DENND4B: variants seen among roughly 807,000 people sequenced by gnomAD.
DENND4B encodes DENN domain-containing protein 4B.
In DENND4B, 67 loss-of-function variants were observed where a neutral mutation model predicts 161.0. That is an observed-to-expected ratio of 0.42 (90% CI 0.34 to 0.51). DENND4B has a LOEUF of 0.51. Among genes scored for constraint, DENND4B ranks in the 20% least tolerant of loss-of-function variants. The probability of loss-of-function intolerance (pLI) is 0.08; values close to 1 mark genes in which losing one functional copy is unlikely to be tolerated. For synonymous variants in DENND4B, 753 were observed against 813.8 expected, an observed-to-expected ratio of 0.93 and a Z score of 1.27; for missense variants, 1,481 against 1,968.0, an observed-to-expected ratio of 0.75 and a Z score of 4.68.
Position 153,944,876 on chromosome 1 carries a change from A to G in DENND4B, c.-23-479T>C, listed in dbSNP as rs1679877704. Among the ~76,000 whole-genome samples the G allele has an allele frequency of 6.6e-6, 1 of 152,118 alleles. No homozygotes were observed. Among genetic ancestry groups the G allele is most frequent in the African/African-American group, 2.4e-5 (1 of 41,406 alleles). The stretch of plus-strand genomic sequence containing the variant: ...CAATGTTCTTAAAGAGCCCACTCCT[A>G]GGTTTTTAAGAGGACCCCATGGGTT... On this transcript the variant is annotated intron_variant, in intron 1 of 27. Coordinates refer to ENST00000361217, the MANE Select transcript of DENND4B (RefSeq NM_014856.3). The surrounding 1 kb of genome is among the most constrained non-coding windows in gnomAD (Gnocchi z 4.8).
Position 153,936,233 on chromosome 1 carries a change from C to A in DENND4B, c.2440-45G>T. 1.3e-6 allele frequency: 2 copies of A among 1,572,744 alleles called. No individual in the cohort carries two copies. Among genetic ancestry groups the A allele is most frequent in the South Asian group, 1.2e-5 (1 of 85,844 alleles). On this transcript the variant is annotated intron_variant, in intron 16 of 27. Coordinates refer to ENST00000361217, the MANE Select transcript of DENND4B (RefSeq NM_014856.3). This position sits in a 1 kb window ranked among gnomAD's most constrained non-coding sequence, Gnocchi z 4.1. ...GGACAATGGGAGACTCACTCTCAAC[C>A]AAAACCAAAGTCTCAGCAAGCACCC... is the stretch of plus-strand genomic sequence containing the variant.
In DENND4B at chr1:153,933,635, G is replaced by A. The variant is rs762533011; in HGVS notation, c.3178C>T (p.Arg1060Cys). 17 of 1,567,526 alleles carry A rather than the reference G, an allele frequency of 1.1e-5. No homozygotes were observed. Among genetic ancestry groups the A allele is most frequent in the African/African-American group, 4.1e-5 (3 of 73,538 alleles). ...GAAGGAGTGAGCAGCTGTTGGAGGC[G>A]GGCACCCAGCCCTCGTCGGGGGGTG... Reference protein sequence around the residue: ...AGTPRRGLGARLQQLLTPSRH... With the variant: ...AGTPRRGLGACLQQLLTPSRH... The change falls in exon 20 of 28, where the codon CGC becomes TGC. Residue 1060 changes from arginine (R) to cysteine (C), a missense_variant. Arg to Cys is a radical substitution (Grantham distance 180). Transcript: ENST00000361217. The surrounding 1 kb of genome is among the most constrained non-coding windows in gnomAD (Gnocchi z 5.7).
chr1:153,942,909 C>T lies in DENND4B; in HGVS notation c.539G>A (p.Cys180Tyr). The T allele has an allele frequency of 3.7e-6, 6 of 1,603,196 alleles. No homozygotes were observed. Among genetic ancestry groups the T allele is most frequent in the Non-Finnish European group, 5.1e-6 (6 of 1,171,352 alleles). Residue 180 changes from cysteine (C) to tyrosine (Y), a missense_variant, in exon 3 of 28, where the codon TGC becomes TAC. Physicochemically the swap from Cys to Tyr is radical, Grantham distance 194. This residue lies in a region of DENND4B where 806 missense variants were observed against 1,134.4 expected (regional missense o/e 0.71). Coordinates refer to ENST00000361217, the MANE Select transcript of DENND4B (RefSeq NM_014856.3). The surrounding 1 kb of genome is among the most constrained non-coding windows in gnomAD (Gnocchi z 6.9). The part of the protein sequence containing the change: ...SKGEGTPHTY[C>Y]RLPRNLNPGM... ...AGGGTTGAGGTTGCGGGGCAGCCGG[C>T]AGTAAGTATGAGGAGTGCCCTCGCC...
At chr1:153,945,332 G>GC in intron 1 of DENND4B, 2 of 400,232 alleles carry the variant, frequency 5.0e-6, no homozygotes, top group Non-Finnish European at 4.6e-6. Flanking sequence ...CAGCCTATGG[G>GC]TGTGTGTGGT....
Position 153,936,315 on chromosome 1 carries a change from T to A in DENND4B, c.2440-127A>T. 1 of 1,380,500 alleles carries A rather than the reference T, an allele frequency of 7.2e-7. No individual in the cohort carries two copies. Among genetic ancestry groups the A allele is most frequent in the Non-Finnish European group, 9.8e-7 (1 of 1,017,620 alleles). The allele number at this position is 1,380,500 out of a possible 1,614,324, so 85.5% of individuals were successfully genotyped here. ...ACTGGCCCCTGGCAGGTCCTGGGGC[T>A]ACCTCAGAGCCACCCACCCTTTCTG... is the stretch of plus-strand genomic sequence containing the variant. On this transcript the variant is annotated intron_variant, in intron 16 of 27. Transcript: ENST00000361217. This position sits in a 1 kb window ranked among gnomAD's most constrained non-coding sequence, Gnocchi z 4.1.
Position 153,940,774 on chromosome 1 carries a change from C to T in DENND4B, c.1326+130G>A, listed in dbSNP as rs1679619444. 6.2e-6 allele frequency: 9 copies of T among 1,448,354 alleles called. No individual in the cohort carries two copies. The East Asian group carries it at 7.3e-5, about 12-fold the overall frequency. 89.7% of individuals were successfully genotyped at this position (1,448,354 alleles called of 1,614,324 possible). ...TCCTGATGGAAGCTATGTGTTCCTGCAGGCTGTGCCCAGGGAAAGGGGCTG... is the reference window on the plus strand; with the variant it reads ...TCCTGATGGAAGCTATGTGTTCCTGTAGGCTGTGCCCAGGGAAAGGGGCTG... On this transcript the variant is annotated intron_variant, in intron 9 of 27. Transcript: ENST00000361217. The surrounding 1 kb of genome is among the most constrained non-coding windows in gnomAD (Gnocchi z 5.6).
intron 2 of DENND4B, among the ~76,000 whole-genome samples, chr1:153,943,843 G>T (rs1418955521): frequency 6.6e-6 from 1 of 152,138 alleles, no homozygotes; most frequent in Non-Finnish European, 1.5e-5. Context: ...TCAAAAACCT[G>T]CCTAAGCTCT....
chr1:153,943,208 C>G, intron 2 of DENND4B, 78 bp from the exon 3 acceptor site: 2 of 1,536,782 alleles, frequency 1.3e-6, no homozygotes, highest in Non-Finnish European at 1.8e-6. Flanking sequence ...ATCTGCCTAT[C>G]TAATCCCCTG....
chr1:153,942,382 A>G lies in DENND4B; in HGVS notation c.641-26T>C. ...CTGCACCCCCAGCATAGTTGGGGGT[A>G]CCCAAAAGGAGCAGGGTCCATCAGA... is the stretch of plus-strand genomic sequence containing the variant. On this transcript the variant is annotated intron_variant, in intron 4 of 27. Coordinates refer to ENST00000361217, the MANE Select transcript of DENND4B (RefSeq NM_014856.3). This position sits in a 1 kb window ranked among gnomAD's most constrained non-coding sequence, Gnocchi z 6.9. The G allele has an allele frequency of 6.2e-7, 1 of 1,604,400 alleles. No individual in the cohort carries two copies. The highest frequency in any genetic ancestry group is 8.5e-7 in the Non-Finnish European group (1 of 1,175,024).
chr1:153,941,773 C>CGGGGGG, intron 6 of DENND4B, 96 bp downstream of exon 6: 53 of 1,426,266 alleles, frequency 3.7e-5, no homozygotes, highest in East Asian at 7.4e-5. Context: ...ACCCTGTGCC[C>CGGGGGG]AGCCCTCCCC....
chr1:153,940,304 G>A lies in DENND4B; in HGVS notation c.1503-48C>T, dbSNP rs775556369. On this transcript the variant is annotated intron_variant, in intron 10 of 27. Transcript: ENST00000361217. The surrounding 1 kb of genome is among the most constrained non-coding windows in gnomAD (Gnocchi z 5.6). ...AAGAGTGGCGAGGCTCTGGGATAGG[G>A]TGACGGGGTTCCTTGCCAGCCTCCC... 3 of 1,568,134 alleles carry A rather than the reference G, an allele frequency of 1.9e-6. No homozygotes were observed. The African/African-American group carries it at 4.1e-5, about 21-fold the overall frequency.
chr1:153,933,802 T>A lies in DENND4B; in HGVS notation c.3011A>T (p.Asp1004Val). 6.2e-7 allele frequency: 1 copy of A among 1,612,484 alleles called. No homozygotes were observed. The highest frequency in any genetic ancestry group is 2.2e-5 in the East Asian group (1 of 44,812). Reference sequence around the variant, plus strand: ...CGGCTCCTCCCCTGTCAGGCTCAGGTCTGAGAGACTTCCATCGTGCCAGGG... The same window carrying A: ...CGGCTCCTCCCCTGTCAGGCTCAGGACTGAGAGACTTCCATCGTGCCAGGG... The part of the protein sequence containing the change: ...PVPWHDGSLS[D>V]LSLTGEEPLP... Residue 1004 changes from aspartate to valine, a missense_variant, in exon 20 of 28, where the codon GAC (aspartate) becomes GTC (valine). Around this residue, in one of 3 missense-constraint regions of DENND4B, gnomAD observed 339 missense variants for 330.3 expected, o/e 1.03. Transcript: ENST00000361217. This position sits in a 1 kb window ranked among gnomAD's most constrained non-coding sequence, Gnocchi z 5.7.
upstream of DENND4B, chr1:153,946,816 T>C (rs1680001634): frequency 5.7e-6 from 2 of 352,384 alleles, no homozygotes; most frequent in East Asian, 8.4e-5. This position sits in a 1 kb window ranked among gnomAD's most constrained non-coding sequence, Gnocchi z 6.3. Context: ...CTCAGGACAC[T>C]GACCCCAGGC....
intron 6 of DENND4B, 86 bp downstream of exon 6, chr1:153,941,779 TCCCC>T: frequency 2.2e-6 from 1 of 464,524 alleles, no homozygotes; most frequent in Non-Finnish European, 3.9e-6. Context: ...TGCCCAGCCC[TCCCC>T]CCACCCACAT....
In DENND4B at chr1:153,930,827, C is replaced by T. The variant is rs369439497; in HGVS notation, c.4145G>A (p.Gly1382Asp). ...CAAACTAAGGGATGCAGGTACAGGGCCTGGCCATACCACCCGCTGGGGGAT... is the reference window on the plus strand; with the variant it reads ...CAAACTAAGGGATGCAGGTACAGGGTCTGGCCATACCACCCGCTGGGGGAT... The part of the protein sequence containing the change: ...SQIPQRVVWP[G>D]PVPASLSLAL... The change falls in exon 26 of 28, where the codon GGC becomes GAC. Residue 1382 changes from glycine (G) to aspartate (D), a missense_variant. Gly to Asp is a moderately conservative substitution (Grantham distance 94). This residue lies in a region of DENND4B where 336 missense variants were observed against 503.3 expected (regional missense o/e 0.67). Transcript: ENST00000361217. The surrounding 1 kb of genome is among the most constrained non-coding windows in gnomAD (Gnocchi z 4.7). 2 of 1,601,612 alleles carry T rather than the reference C, an allele frequency of 1.2e-6. No homozygotes were observed. Among genetic ancestry groups the T allele is most frequent in the Non-Finnish European group, 1.7e-6 (2 of 1,174,130 alleles).
Position 153,938,995 on chromosome 1 carries a change from G to A in DENND4B, c.1870C>T (p.Leu624=). ...RSSHKLYSQL[L]HTQMFSQFIE... ...AACTGTGAGAACATCTGTGTGTGCA[G>A]CAGCTGAGAGTAAAGTTTGTGGCTG... is the stretch of plus-strand genomic sequence containing the variant. The change falls in exon 13 of 28, where the codon CTG becomes TTG. Residue 624 remains leucine (L), a synonymous_variant. Coordinates refer to ENST00000361217, the MANE Select transcript of DENND4B (RefSeq NM_014856.3). 1 of 1,612,332 alleles carries A rather than the reference G, an allele frequency of 6.2e-7. No individual in the cohort carries two copies.
intron 12 of DENND4B, 101 bp downstream of exon 12, chr1:153,939,488 C>A (rs939356442): frequency 2.5e-5 from 33 of 1,320,638 alleles, no homozygotes; most frequent in Non-Finnish European, 3.1e-5. Context: ...AAGGAATAAA[C>A]AATGGAGTGG....
At chr1:153,938,839 G>T in intron 13 of DENND4B, 61 bp downstream of exon 13, 1 of 1,546,842 alleles carries the variant, frequency 6.5e-7, no homozygotes, top group Non-Finnish European at 8.7e-7. Context: ...ATGGCCTTGG[G>T]GCAACAGAGA....
chr1:153,930,984 A>G lies in DENND4B; in HGVS notation c.4077T>C (p.Asn1359=), dbSNP rs755439162. The change falls in exon 25 of 28, where the codon AAT becomes AAC. Residue 1359 remains asparagine, a synonymous_variant. Coordinates refer to ENST00000361217, the MANE Select transcript of DENND4B (RefSeq NM_014856.3). The surrounding 1 kb of genome is among the most constrained non-coding windows in gnomAD (Gnocchi z 4.7). ...AGAGCACATAGAGAGGTGGGCAGCT[A>G]TTGGGGTCAGGGGTCAGTACATCCC... ...LLWDVLTPDP[N]SCPPLYVLWR... The G allele has an allele frequency of 1.2e-6, 2 of 1,613,038 alleles. No homozygotes were observed. The highest frequency in any genetic ancestry group is 1.7e-6 in the Non-Finnish European group (2 of 1,179,590).
Sources: gnomAD v4.1 joint callset for allele counts (sites outside exome capture counted in the v4.1 genomes callset) on GRCh38, gnomAD v4.1.1 for gene constraint, gnomAD v4.1.1 regional missense constraint, Gnocchi (gnomAD v3.1) non-coding constraint, MANE v1.5 for transcripts, NCBI Gene and HGNC (gene_info 2026-07-23, HGNC 2026-07-21) for gene names.